The following TOGARAM1 variants were observed in gnomAD, a reference collection of about 807,000 sequenced individuals.
TOGARAM1 encodes TOG array regulator of axonemal microtubules 1.
TOGARAM1 carries 100 observed loss-of-function variants against 166.6 expected under a neutral mutation model. That is an observed-to-expected ratio of 0.60 (90% CI 0.51 to 0.71). The LOEUF is 0.71. TOGARAM1 is among the 30% of genes least tolerant of loss of function. The pLI, the probability that TOGARAM1 is intolerant of heterozygous loss-of-function variation, is 0.00. For synonymous variants in TOGARAM1, 758 were observed against 763.8 expected, an observed-to-expected ratio of 0.99 and a Z score of 0.13; for missense variants, 2,029 against 2,102.7, an observed-to-expected ratio of 0.96 and a Z score of 0.69.
At chr14:44,997,174 A>G (rs1047378643) in intron 2 of TOGARAM1, 2 of 152,190 alleles carry the variant, frequency 1.3e-5, no homozygotes, top group Non-Finnish European at 2.9e-5. Context: ...TTTGGGGGCC[A>G]ATGCAGGCAG....
chr14:44,989,717 C>T (rs573760074), intron 1 of TOGARAM1, among the ~76,000 whole-genome samples: 1 of 152,316 alleles, frequency 6.6e-6, no homozygotes, highest in Admixed American at 6.5e-5. Context: ...TCCAAAGTCA[C>T]TTCCACATTT....
intron 1 of TOGARAM1, among the ~76,000 whole-genome samples, chr14:44,982,070 T>C (rs906027086): frequency 2.6e-5 from 4 of 152,118 alleles, no homozygotes; most frequent in Non-Finnish European, 4.4e-5. Flanking sequence ...CTTGAACTCC[T>C]GGCCTCAGTG....
intron 16 of TOGARAM1, among the ~76,000 whole-genome samples, chr14:45,055,842 C>CT (rs770271609): frequency 0.035 from 3,421 of 99,138 alleles, 52 homozygotes; most frequent in African/African-American, 0.048. Flanking sequence ...TACTTGGGCT[C>CT]TTTTTTTTTT....
At chr14:44,987,458 C>T (rs903859265) in intron 1 of TOGARAM1, among the ~76,000 whole-genome samples, 2 of 152,286 alleles carry the variant, frequency 1.3e-5, no homozygotes, top group Middle Eastern at 3.4e-3. Flanking sequence ...TATGAACAGA[C>T]ACTTCTCAAA....
chr14:45,053,789 A>G (rs942238615), intron 15 of TOGARAM1, among the ~76,000 whole-genome samples: 6 of 152,194 alleles, frequency 3.9e-5, no homozygotes, highest in Admixed American at 1.3e-4. Flanking sequence ...CATAGGAACA[A>G]CAGTGTTCAG....
In TOGARAM1 at chr14:44,962,706, G is replaced by A. The variant is rs777159180; in HGVS notation, c.285G>A (p.Glu95=). 6 of 1,614,096 alleles carry A rather than the reference G, an allele frequency of 3.7e-6. No individual in the cohort carries two copies. In the Admixed American group the frequency reaches 6.7e-5, roughly 18 times the overall value. The change falls in exon 1 of 20, where the codon GAG becomes GAA. Residue 95 remains glutamate (E), a synonymous_variant. Coordinates refer to ENST00000361462, the MANE Select transcript of TOGARAM1 (RefSeq NM_001308120.2). ...GCGGTTTGTCAGGGGGAGATGAAGA[G>A]GACACTCGGCTCCTTCAACTCCTCC... is the stretch of plus-strand genomic sequence containing the variant. ...SGGGLSGGDE[E]DTRLLQLLRT...
intron 7 of TOGARAM1, among the ~76,000 whole-genome samples, chr14:45,021,316 A>G (rs1305046926): frequency 6.6e-6 from 1 of 152,138 alleles, no homozygotes; most frequent in Non-Finnish European, 1.5e-5. Context: ...GGGGCAGTGA[A>G]GGTGGGGTTT....
At chr14:44,968,499 C>T (rs891655260) in intron 1 of TOGARAM1, among the ~76,000 whole-genome samples, 10 of 152,212 alleles carry the variant, frequency 6.6e-5, no homozygotes, top group Non-Finnish European at 1.5e-4. Flanking sequence ...CTGCCCGCCT[C>T]GGCCTCCCAA....
chr14:45,027,561 AT>A, intron 9 of TOGARAM1, 87 bp downstream of exon 9: 6 of 1,055,130 alleles, frequency 5.7e-6, no homozygotes, highest in Non-Finnish European at 6.5e-6. Flanking sequence ...TGGTGAAAGT[AT>A]TTCAATTAAA....
In TOGARAM1 at chr14:45,054,477, G is replaced by A. The variant is rs1232102662; in HGVS notation, c.4487G>A (p.Arg1496Gln). The A allele has an allele frequency of 6.2e-7, 1 of 1,613,398 alleles. No homozygotes were observed. Among genetic ancestry groups the A allele is most frequent in the South Asian group, 1.1e-5 (1 of 90,974 alleles). ...GATACTCCTTCAGCAAAAGGAAGACGATCTCATACTGGCAGTGTTGGAAAT... is the reference window on the plus strand; with the variant it reads ...GATACTCCTTCAGCAAAAGGAAGACAATCTCATACTGGCAGTGTTGGAAAT... ...PLDTPSAKGRRSHTGSVGNTR... is the reference protein window; with the variant it reads ...PLDTPSAKGRQSHTGSVGNTR... The change falls in exon 16 of 20, where the codon CGA (arginine) becomes CAA (glutamine). Residue 1496 changes from arginine to glutamine, a missense_variant. Arg to Gln is a conservative substitution (Grantham distance 43). Transcript: ENST00000361462.
At chr14:44,967,002 C>T (rs1485316246) in intron 1 of TOGARAM1, among the ~76,000 whole-genome samples, 4 of 151,794 alleles carry the variant, frequency 2.6e-5, no homozygotes, top group South Asian at 2.1e-4. Flanking sequence ...CCTAGCCTTA[C>T]TTTGGTTTTT....
intron 3 of TOGARAM1, 82 bp downstream of exon 3, chr14:44,999,579 G>T (rs535321555): frequency 1.7e-6 from 2 of 1,195,900 alleles, no homozygotes; most frequent in African/African-American, 1.5e-5. Context: ...ATGATATTTT[G>T]TGTACTCATA....
At chr14:44,985,333 CA>C (rs1886737605) in intron 1 of TOGARAM1, among the ~76,000 whole-genome samples, 1 of 152,028 alleles carries the variant, frequency 6.6e-6, no homozygotes, top group African/African-American at 2.4e-5. Context: ...TTTTAAGCGG[CA>C]AAAATAAGCA....
Position 45,068,599 on chromosome 14 carries a change from A to T in TOGARAM1, c.4925A>T (p.Tyr1642Phe). Residue 1642 changes from tyrosine to phenylalanine, a missense_variant, in exon 18 of 20, where the codon TAT becomes TTT. By Grantham distance (22) the Tyr-to-Phe change is conservative (BLOSUM62 3). Coordinates refer to ENST00000361462, the MANE Select transcript of TOGARAM1 (RefSeq NM_001308120.2). ...CTGAATTCCAAGAATCCAGGCATCT[A>T]TGCGGCTGCTACAAATGTTGTTCAG... is the stretch of plus-strand genomic sequence containing the variant. ...NNLNSKNPGI[Y>F]AAATNVVQAL... is the part of the protein sequence containing the mutation. 6.2e-7 allele frequency: 1 copy of T among 1,612,340 alleles called. No homozygotes were observed. Among genetic ancestry groups the T allele is most frequent in the African/African-American group, 1.3e-5 (1 of 74,982 alleles).
Position 44,963,040 on chromosome 14 carries a change from C to G in TOGARAM1, c.619C>G (p.Leu207Val). ...KDALQILHIC[L>V]KRSPGEVLRT... is the part of the protein sequence containing the mutation. Reference sequence around the variant, plus strand: ...TGCGCTGCAGATCCTTCATATATGTCTGAAACGTAGTCCTGGAGAGGTGCT... The same window carrying G: ...TGCGCTGCAGATCCTTCATATATGTGTGAAACGTAGTCCTGGAGAGGTGCT... Residue 207 changes from leucine to valine, a missense_variant, in exon 1 of 20, where the codon CTG (leucine) becomes GTG (valine). By Grantham distance (32) the Leu-to-Val change is conservative. This residue lies in a region of TOGARAM1 where 1,453 missense variants were observed against 1,432.2 expected (regional missense o/e 1.01). Transcript: ENST00000361462. 6.2e-7 allele frequency: 1 copy of G among 1,614,198 alleles called. No individual in the cohort carries two copies. The highest frequency in any genetic ancestry group is 8.5e-7 in the Non-Finnish European group (1 of 1,180,030).
intron 1 of TOGARAM1, among the ~76,000 whole-genome samples, chr14:44,972,350 G>A (rs1420269122): frequency 1.2e-4 from 18 of 151,976 alleles, no homozygotes; most frequent in Admixed American, 1.2e-3. Flanking sequence ...GCAGTCTGTT[G>A]TTGGATAAAG....
intron 6 of TOGARAM1, 91 bp from the exon 7 acceptor site, chr14:45,011,884 T>C (rs1224699634): frequency 9.3e-6 from 8 of 862,846 alleles, no homozygotes; most frequent in Non-Finnish European, 1.3e-5. Flanking sequence ...AAAAGGTCTG[T>C]GAGTTAATAA....
intron 1 of TOGARAM1, among the ~76,000 whole-genome samples, chr14:44,987,600 A>G (rs892774563): frequency 8.6e-5 from 13 of 151,140 alleles, no homozygotes; most frequent in Non-Finnish European, 1.9e-4. Flanking sequence ...AAAAGTCAGG[A>G]AACAACAGGT....
rs1885245091 is a variant in TOGARAM1 at position 44,962,776 on chromosome 14, G to T, written c.355G>T (p.Ala119Ser). The T allele has an allele frequency of 6.2e-7, 1 of 1,612,728 alleles. No homozygotes were observed. The highest frequency in any genetic ancestry group is 8.5e-7 in the Non-Finnish European group (1 of 1,180,018). ...PSEAFQALQA[A>S]LPRRGGRLGF... ...TGAGGCCTTCCAGGCTTTGCAAGCT[G>T]CTTTGCCGCGGCGGGGCGGTCGACT... The change falls in exon 1 of 20, where the codon GCT becomes TCT. Residue 119 changes from alanine to serine, a missense_variant. Around this residue, in one of 2 missense-constraint regions of TOGARAM1, gnomAD observed 1,453 missense variants for 1,432.2 expected, o/e 1.01. Coordinates refer to ENST00000361462, the MANE Select transcript of TOGARAM1 (RefSeq NM_001308120.2).
Sources: gnomAD v4.1 joint callset for allele counts (sites outside exome capture counted in the v4.1 genomes callset) on GRCh38, gnomAD v4.1.1 for gene constraint, gnomAD v4.1.1 regional missense constraint, MANE v1.5 for transcripts, NCBI Gene and HGNC (gene_info 2026-07-23, HGNC 2026-07-21) for gene names.